The following GTF2A1 variants were observed in gnomAD, a reference collection of about 807,000 sequenced individuals.
GTF2A1 encodes the protein transcription initiation factor IIA subunit 1.
GTF2A1 carries 12 observed loss-of-function variants against 54.1 expected under a neutral mutation model. That is an observed-to-expected ratio of 0.22 (90% CI 0.14 to 0.36). GTF2A1 has a LOEUF of 0.36. GTF2A1 is among the 10% of genes least tolerant of loss of function. The pLI, the probability that GTF2A1 is intolerant of heterozygous loss-of-function variation, is 1.00. For missense variants in GTF2A1, 335 were observed against 442.2 expected (o/e 0.76, Z 2.17); for synonymous variants, 145 against 152.0 (o/e 0.95, Z 0.34).
At chr14:81,209,391 C>A (rs993215416) in intron 2 of GTF2A1, among the ~76,000 whole-genome samples, 5 of 152,174 alleles carry the variant, frequency 3.3e-5, no homozygotes, top group Admixed American at 3.3e-4. Flanking sequence ...AACTGTAAGT[C>A]CAATTAAACC....
intron 4 of GTF2A1, among the ~76,000 whole-genome samples, chr14:81,199,971 A>T (rs2140159986): frequency 6.6e-6 from 1 of 151,926 alleles, no homozygotes; most frequent in East Asian, 1.9e-4. Flanking sequence ...GGTGGAGGTT[A>T]AAAAAAATTG....
chr14:81,208,688 C>A (rs543950733), intron 2 of GTF2A1, among the ~76,000 whole-genome samples: 1 of 152,302 alleles, frequency 6.6e-6, no homozygotes, highest in Non-Finnish European at 1.5e-5. Flanking sequence ...CAAGACTGTA[C>A]CCTGCAAAGC....
intron 7 of GTF2A1, among the ~76,000 whole-genome samples, chr14:81,190,383 T>C (rs1032048869): frequency 2.6e-5 from 4 of 151,916 alleles, no homozygotes; most frequent in Admixed American, 6.6e-5. Context: ...ACACAGTATC[T>C]ATCAATCATA....
rs1892562040 is a variant in GTF2A1, at chr14:81,177,956, T to A, written c.*2267A>T. The stretch of plus-strand genomic sequence containing the variant: ...AATTTTCACAGGTAAAAGAAAAGCA[T>A]TTGCCAAGTATACCATAATTCATAT... On this transcript the variant is annotated 3_prime_UTR_variant, in exon 9 of 9. Coordinates refer to ENST00000553612, the MANE Select transcript of GTF2A1 (RefSeq NM_015859.4). 2 of 152,162 alleles carry A rather than the reference T, an allele frequency of 1.3e-5. No individual in the cohort carries two copies. Among genetic ancestry groups the A allele is most frequent in the Admixed American group, 1.3e-4 (2 of 15,276 alleles). 9.4% of individuals were successfully genotyped at this position (152,162 alleles called of 1,614,324 possible).
At chr14:81,214,622 G>A (rs943543938) in intron 2 of GTF2A1, among the ~76,000 whole-genome samples, 3 of 151,126 alleles carry the variant, frequency 2.0e-5, no homozygotes, top group African/African-American at 7.3e-5. Flanking sequence ...CTCCAGCCTG[G>A]GTGACAGAGC....
chr14:81,212,335 A>C (rs1893389544), intron 2 of GTF2A1, among the ~76,000 whole-genome samples: 1 of 152,168 alleles, frequency 6.6e-6, no homozygotes, highest in Non-Finnish European at 1.5e-5. Flanking sequence ...TCCCACCCAC[A>C]GACACTCACC....
chr14:81,187,419 G>A (rs1404980058), intron 7 of GTF2A1, among the ~76,000 whole-genome samples: 3 of 151,366 alleles, frequency 2.0e-5, no homozygotes, highest in Admixed American at 6.6e-5. Flanking sequence ...TTTAGCATTT[G>A]TACATGTACA....
intron 1 of GTF2A1, among the ~76,000 whole-genome samples, chr14:81,219,121 A>C (rs556966617): frequency 2.0e-4 from 31 of 152,282 alleles, no homozygotes; most frequent in Admixed American, 4.6e-4. Flanking sequence ...TGTTTTAAAT[A>C]ATTAATTTTG....
intron 2 of GTF2A1, among the ~76,000 whole-genome samples, chr14:81,205,749 A>G (rs1340914866): frequency 6.6e-6 from 1 of 152,206 alleles, no homozygotes; most frequent in Non-Finnish European, 1.5e-5. Flanking sequence ...AATAAATTTA[A>G]GTCTCTGCTA....
intron 6 of GTF2A1, 116 bp downstream of exon 6, chr14:81,195,992 G>C: frequency 2.4e-6 from 2 of 828,936 alleles, no homozygotes; most frequent in East Asian, 4.9e-5. Flanking sequence ...TGAAACAACT[G>C]GGTCTGTAGC....
chr14:81,220,578 C>CAAA lies in GTF2A1; in HGVS notation c.-63_-61dup. On this transcript the variant is annotated 5_prime_UTR_variant, in exon 1 of 9. Coordinates refer to ENST00000553612, the MANE Select transcript of GTF2A1 (RefSeq NM_015859.4). ...CAAGAAAACAAGATAAAAACAAAACCAAAAAAAAAAAAACTATAACACCCG... is the reference window on the plus strand; with the variant it reads ...CAAGAAAACAAGATAAAAACAAAACCAAAAAAAAAAAAAAAACTATAACACCCG... 1.7e-4 allele frequency: 174 copies of CAAA among 1,000,998 alleles called. No individual in the cohort carries two copies. The highest frequency in any genetic ancestry group is 3.9e-4 in the South Asian group (22 of 56,870). The allele number at this position is 1,000,998 out of a possible 1,614,324, so 62.0% of individuals were successfully genotyped here.
At chr14:81,206,569 C>T (rs1259939139) in intron 2 of GTF2A1, among the ~76,000 whole-genome samples, 1 of 152,192 alleles carries the variant, frequency 6.6e-6, no homozygotes, top group Non-Finnish European at 1.5e-5. Flanking sequence ...CCTCAAAATG[C>T]GGTTCTAGAC....
chr14:81,214,161 C>A (rs1893434818), intron 2 of GTF2A1, among the ~76,000 whole-genome samples: 1 of 152,176 alleles, frequency 6.6e-6, no homozygotes, highest in Non-Finnish European at 1.5e-5. Flanking sequence ...TCACCGCAAT[C>A]AAGGTAAGAT....
intron 2 of GTF2A1, among the ~76,000 whole-genome samples, chr14:81,216,007 C>A (rs910185034): frequency 6.6e-6 from 1 of 152,054 alleles, no homozygotes; most frequent in Non-Finnish European, 1.5e-5. Context: ...GCGACAGAGC[C>A]CGACCCTGTC....
intron 8 of GTF2A1, among the ~76,000 whole-genome samples, chr14:81,181,554 T>C (rs1186201628): frequency 1.3e-5 from 2 of 152,196 alleles, no homozygotes; most frequent in Non-Finnish European, 2.9e-5. Context: ...CTTTTTCTTT[T>C]TTTTCTTTGA....
At chr14:81,218,337 C>T (rs1893532569) in intron 1 of GTF2A1, among the ~76,000 whole-genome samples, 1 of 152,090 alleles carries the variant, frequency 6.6e-6, no homozygotes, top group Admixed American at 6.6e-5. Flanking sequence ...TATTTTTGTG[C>T]CTTAATGAAC....
At chr14:81,207,107 T>C (rs889727803) in intron 2 of GTF2A1, among the ~76,000 whole-genome samples, 1 of 151,152 alleles carries the variant, frequency 6.6e-6, no homozygotes, top group Non-Finnish European at 1.5e-5. Context: ...CACAGCAAAG[T>C]AATTAATATA....
chr14:81,188,468 G>A (rs1161639570), intron 7 of GTF2A1, among the ~76,000 whole-genome samples: 1 of 152,164 alleles, frequency 6.6e-6, no homozygotes, highest in East Asian at 1.9e-4. Flanking sequence ...TGGGTGTCAT[G>A]TCTAAGAAAA....
intron 7 of GTF2A1, among the ~76,000 whole-genome samples, chr14:81,190,007 GA>G (rs11348961): frequency 0.77 from 117,173 of 151,414 alleles, 46,125 homozygotes; most frequent in African/African-American, 0.89. Context: ...ACTGAACAGG[GA>G]AAAAAAAAGA....
Sources: gnomAD v4.1 joint callset for allele counts (sites outside exome capture counted in the v4.1 genomes callset) on GRCh38, gnomAD v4.1.1 for gene constraint, MANE v1.5 for transcripts, NCBI Gene and HGNC (gene_info 2026-07-23, HGNC 2026-07-21) for gene names.